Variants in ZNF704 observed in about 807,000 individuals in gnomAD.
ZNF704 encodes glucocorticoid induced gene 1.
In ZNF704, 10 loss-of-function variants were observed where a neutral mutation model predicts 44.7. The observed-to-expected ratio is 0.22, with a 90% CI of 0.14 to 0.38. The LOEUF (loss-of-function observed/expected upper bound fraction) is 0.38. Among genes scored for constraint, ZNF704 ranks in the 10% least tolerant of loss-of-function variants. ZNF704 has a pLI of 1.00. For missense variants in ZNF704, 390 were observed against 545.5 expected, an observed-to-expected ratio of 0.71 and a Z score of 2.84; for synonymous variants, 211 against 207.6, an observed-to-expected ratio of 1.02 and a Z score of -0.14.
Position 80,636,226 on chromosome 8 carries a change from A to G in ZNF704, c.*5140T>C, listed in dbSNP as rs527542320. On this transcript the variant is annotated 3_prime_UTR_variant, in exon 9 of 9. Coordinates refer to ENST00000327835, the MANE Select transcript of ZNF704 (RefSeq NM_001033723.3). ...TTTAAAGGTTATGTTTTGCCAAGAC[A>G]TATTACCATTGTGATTCTCAGACCC... The G allele has an allele frequency of 6.6e-6, 1 of 152,362 alleles. No homozygotes were observed. Among genetic ancestry groups the G allele is most frequent in the African/African-American group, 2.4e-5 (1 of 41,586 alleles). The allele number at this position is 152,362 out of a possible 1,614,324, so 9.4% of individuals were successfully genotyped here.
At chr8:80,653,447 A>C (rs1188826025) in intron 7 of ZNF704, among the ~76,000 whole-genome samples, 2 of 152,222 alleles carry the variant, frequency 1.3e-5, no homozygotes, top group African/African-American at 4.8e-5. Flanking sequence ...AATCTCCTTA[A>C]GCTGATAAGT....
chr8:80,822,294 C>A lies in ZNF704; in HGVS notation c.-21-679G>T, dbSNP rs567481870. Among the ~76,000 whole-genome samples, 420 of 151,204 alleles carry A rather than the reference C, an allele frequency of 2.8e-3. 1 individual carries two copies. Among genetic ancestry groups the A allele is most frequent in the African/African-American group, 1.0e-2 (408 of 40,818 alleles). On this transcript the variant is annotated intron_variant, in intron 1 of 8. Coordinates refer to ENST00000327835, the MANE Select transcript of ZNF704 (RefSeq NM_001033723.3). ...CCCCGCCCCCAACCCATGACAGGCC[C>A]CGGTGTATGATGTTCCCCACCCTGT... is the stretch of plus-strand genomic sequence containing the variant.
chr8:80,643,181 A>G lies in ZNF704; in HGVS notation c.1033-52T>C, dbSNP rs768846624. 10 of 1,412,488 alleles carry G rather than the reference A, an allele frequency of 7.1e-6. No individual in the cohort carries two copies. In the South Asian group the frequency reaches 1.3e-4, roughly 19 times the overall value. 87.5% of individuals were successfully genotyped at this position (1,412,488 alleles called of 1,614,324 possible). ...GATGGGGCAGGTTCTCCACCCATGC[A>G]GTTAGTTAACCTTTGCTGTGTGGAC... On this transcript the variant is annotated intron_variant, in intron 7 of 8. Transcript: ENST00000327835.
At chr8:80,690,007 A>T (rs1261319208) in intron 3 of ZNF704, among the ~76,000 whole-genome samples, 1 of 152,008 alleles carries the variant, frequency 6.6e-6, no homozygotes, top group East Asian at 1.9e-4. Flanking sequence ...TGATCACAAC[A>T]GTTTCCAAAA....
At position 80,630,447 on chromosome 8, in the gene ZNF704, G is replaced by C. The variant is rs1415115065; in HGVS notation, c.*10919C>G. ...TAAAAAGCAATGTTTTCTACTGATTGCATTTCCACTAAATACCCCATTTTA... is the reference window on the plus strand; with the variant it reads ...TAAAAAGCAATGTTTTCTACTGATTCCATTTCCACTAAATACCCCATTTTA... On this transcript the variant is annotated 3_prime_UTR_variant, in exon 9 of 9. Coordinates refer to ENST00000327835, the MANE Select transcript of ZNF704 (RefSeq NM_001033723.3). 1.3e-5 allele frequency: 2 copies of C among 152,118 alleles called. No individual in the cohort carries two copies. Among genetic ancestry groups the C allele is most frequent in the Non-Finnish European group, 2.9e-5 (2 of 68,010 alleles). 9.4% of individuals were successfully genotyped at this position (152,118 alleles called of 1,614,324 possible).
intron 2 of ZNF704, among the ~76,000 whole-genome samples, chr8:80,791,993 A>G (rs569338498): frequency 1.9e-4 from 29 of 152,282 alleles, no homozygotes; most frequent in Middle Eastern, 3.4e-3. Context: ...GCCCACAAAC[A>G]TTTGCTGAAT....
At chr8:80,676,235 C>G (rs961434744) in intron 4 of ZNF704, among the ~76,000 whole-genome samples, 1 of 152,064 alleles carries the variant, frequency 6.6e-6, no homozygotes, top group African/African-American at 2.4e-5. Flanking sequence ...CCAATGTTTT[C>G]AAGAAATTTT....
chr8:80,864,860 C>T (rs1276497489), intron 1 of ZNF704, among the ~76,000 whole-genome samples: 1 of 152,144 alleles, frequency 6.6e-6, no homozygotes, highest in Non-Finnish European at 1.5e-5. Flanking sequence ...GTGTGGTAAG[C>T]CTCTTCCAAC....
chr8:80,788,438 TA>T (rs1456711974), intron 2 of ZNF704, among the ~76,000 whole-genome samples: 1 of 152,198 alleles, frequency 6.6e-6, no homozygotes, highest in Non-Finnish European at 1.5e-5. Flanking sequence ...TAGTTGCAGC[TA>T]AAAAATTATA....
chr8:80,643,180 CAGTT>C (rs771697189), intron 7 of ZNF704, 51 bp from the exon 8 acceptor site: 86 of 1,410,402 alleles, frequency 6.1e-5, no homozygotes, highest in Non-Finnish European at 7.6e-5. Flanking sequence ...TCCACCCATG[CAGTT>C]AGTTAACCTT....
intron 2 of ZNF704, among the ~76,000 whole-genome samples, chr8:80,746,104 T>G (rs573994725): frequency 6.6e-6 from 1 of 152,206 alleles, no homozygotes; most frequent in African/African-American, 2.4e-5. Context: ...GTCTACTTTA[T>G]GCTTTCAGGT....
At chr8:80,832,950 T>C (rs988833125) in intron 1 of ZNF704, among the ~76,000 whole-genome samples, 6 of 152,194 alleles carry the variant, frequency 3.9e-5, no homozygotes, top group African/African-American at 1.4e-4. Context: ...CATCAACCAC[T>C]GTGTGGAGTG....
At position 80,848,808 on chromosome 8, in the gene ZNF704, A is replaced by AAAAAAAAAG. The variant is rs550278663; in HGVS notation, c.-22+25754_-22+25762dup. On this transcript the variant is annotated intron_variant, in intron 1 of 8. Transcript: ENST00000327835. ...TTTTAAAAACTAAAAGAAAAGGTTA[A>AAAAAAAAAG]AAAAAAAAGAGATAGATATGTATTC... Among the ~76,000 whole-genome samples the AAAAAAAAAG allele has an allele frequency of 3.1e-4, 45 of 147,204 alleles. 1 individual carries two copies. In the East Asian group the frequency reaches 8.7e-3, roughly 29 times the overall value.
rs1159814257 is a variant in ZNF704, at chr8:80,635,668, A to G, written c.*5698T>C. 5 of 152,346 alleles carry G rather than the reference A, an allele frequency of 3.3e-5. No homozygotes were observed. In the East Asian group the frequency reaches 7.7e-4, roughly 24 times the overall value. 9.4% of individuals were successfully genotyped at this position (152,346 alleles called of 1,614,324 possible). On this transcript the variant is annotated 3_prime_UTR_variant, in exon 9 of 9. Transcript: ENST00000327835. ...TTTATCATTTTACACTAAAAAATTT[A>G]TAAGAATATTTCTCCCATGGCCTAT... is the stretch of plus-strand genomic sequence containing the variant.
chr8:80,666,850 A>G (rs1208657755), intron 5 of ZNF704, among the ~76,000 whole-genome samples: 11 of 151,042 alleles, frequency 7.3e-5, no homozygotes. Context: ...AGTTCATTGT[A>G]GATTCTGGAT....
At chr8:80,732,600 T>G (rs933147270) in intron 2 of ZNF704, among the ~76,000 whole-genome samples, 1 of 152,204 alleles carries the variant, frequency 6.6e-6, no homozygotes. Context: ...TAGTCTCACT[T>G]AAGTCTTTAG....
intron 2 of ZNF704, among the ~76,000 whole-genome samples, chr8:80,770,471 T>C (rs533520897): frequency 2.0e-5 from 3 of 152,206 alleles, no homozygotes; most frequent in Non-Finnish European, 2.9e-5. Flanking sequence ...TGTGTGCTAA[T>C]TGCTTGTTCT....
At chr8:80,840,149 G>C (rs1808652487) in intron 1 of ZNF704, among the ~76,000 whole-genome samples, 1 of 152,214 alleles carries the variant, frequency 6.6e-6, no homozygotes, top group Non-Finnish European at 1.5e-5. Context: ...CTGAAAAAAA[G>C]ATCTGTAAAA....
chr8:80,823,262 C>T (rs1008773328), intron 1 of ZNF704, among the ~76,000 whole-genome samples: 5 of 152,200 alleles, frequency 3.3e-5, no homozygotes, highest in African/African-American at 4.8e-5. Context: ...AACAGCACAC[C>T]AGGAGACTAT....
Sources: gnomAD v4.1 joint callset for allele counts (sites outside exome capture counted in the v4.1 genomes callset) on GRCh38, gnomAD v4.1.1 for gene constraint, MANE v1.5 for transcripts, NCBI Gene and HGNC (gene_info 2026-07-23, HGNC 2026-07-21) for gene names.